The following FRYL variants were observed in gnomAD, a reference collection of about 807,000 sequenced individuals.
FRYL encodes the protein protein furry homolog-like.
Under a neutral mutation model 351.2 loss-of-function variants are expected in FRYL, and 150 were observed. The ratio of observed to expected loss-of-function variants is 0.43; its 90% CI spans 0.37 to 0.49. The LOEUF (loss-of-function observed/expected upper bound fraction) is 0.49. FRYL is among the 20% of genes least tolerant of loss of function. The pLI, the probability that FRYL is intolerant of heterozygous loss-of-function variation, is 0.00. For synonymous variants in FRYL, 1,153 were observed against 1,257.1 expected (o/e 0.92, Z 1.75); for missense variants, 3,036 against 3,619.3 (o/e 0.84, Z 4.13).
Position 48,497,750 on chromosome 4 carries a change from ATAATTGTCTT to A in FRYL, c.*1662_*1671del, listed in dbSNP as rs1420185025. 2.0e-5 allele frequency: 3 copies of A among 152,658 alleles called. No individual in the cohort carries two copies. The highest frequency in any genetic ancestry group is 4.4e-5 in the Non-Finnish European group (3 of 68,042). 9.5% of individuals were successfully genotyped at this position (152,658 alleles called of 1,614,324 possible). A position where few individuals can be genotyped will look rare whatever the true frequency, so the allele number is the denominator to read the frequency against. ...ATTACAGTACCAGAACACCATCAAA[ATAATTGTCTT>A]TATCAGGGTCAAAAAATACAGTGAT... On this transcript the variant is annotated 3_prime_UTR_variant, in exon 64 of 64. Coordinates refer to ENST00000358350, the MANE Select transcript of FRYL (RefSeq NM_015030.2).
At position 48,719,014 on chromosome 4, in the gene FRYL, C is replaced by T. The variant is rs1250571711; in HGVS notation, c.-383-8316G>A. On this transcript the variant is annotated intron_variant, in intron 1 of 63. Coordinates refer to ENST00000358350, the MANE Select transcript of FRYL (RefSeq NM_015030.2). ...CTTTCTAATGACTGCAAAAGAATTC[C>T]GAGTGGTCACTCTAACTGATCTTTG... Among the ~76,000 whole-genome samples, 4 of 151,508 alleles carry T rather than the reference C, an allele frequency of 2.6e-5. No homozygotes were observed. The East Asian group carries it at 7.7e-4, about 29-fold the overall frequency.
Position 48,540,607 on chromosome 4 carries a change from T to C in FRYL, c.6041A>G (p.Asp2014Gly), listed in dbSNP as rs1421834257. 7 of 1,613,988 alleles carry C rather than the reference T, an allele frequency of 4.3e-6. No individual in the cohort carries two copies. Among genetic ancestry groups the C allele is most frequent in the Non-Finnish European group, 5.9e-6 (7 of 1,179,944 alleles). Residue 2014 changes from aspartate to glycine, a missense_variant, in exon 46 of 64, where the codon GAT (aspartate) becomes GGT (glycine). Around this residue, in one of 7 missense-constraint regions of FRYL, gnomAD observed 1,987 missense variants for 2,311.7 expected, o/e 0.86. Coordinates refer to ENST00000358350, the MANE Select transcript of FRYL (RefSeq NM_015030.2). Reference sequence around the variant, plus strand: ...AGCCAGGAGGTATTCATATTCATAATCTGATTCTAATAAAGATGCTGCTAT... The same window carrying C: ...AGCCAGGAGGTATTCATATTCATAACCTGATTCTAATAAAGATGCTGCTAT... ...FWIAASLLES[D>G]YEYEYLLALR...
chr4:48,703,983 C>T (rs1044212455), intron 2 of FRYL, among the ~76,000 whole-genome samples: 3 of 152,096 alleles, frequency 2.0e-5, no homozygotes, highest in Non-Finnish European at 4.4e-5. Context: ...TGGATAAAGT[C>T]ACATTCTATC....
In FRYL at chr4:48,531,166, T is replaced by G. The variant is rs1222868252; in HGVS notation, c.6893A>C (p.Asp2298Ala). Residue 2298 changes from aspartate (D) to alanine (A), a missense_variant, in exon 50 of 64, where the codon GAT (aspartate) becomes GCT (alanine). Asp to Ala is a moderately radical substitution (Grantham distance 126, BLOSUM62 -2). Coordinates refer to ENST00000358350, the MANE Select transcript of FRYL (RefSeq NM_015030.2). ...TTCTGAGCATCTTACCTCAGATATA[T>G]CAAAATGAAAATCTAAGGTCTTCCC... Reference protein sequence around the residue: ...LPGKTLDFHFDISETPIIGNK... With the variant: ...LPGKTLDFHFAISETPIIGNK... The G allele has an allele frequency of 6.3e-7, 1 of 1,592,140 alleles. No individual in the cohort carries two copies. Among genetic ancestry groups the G allele is most frequent in the South Asian group, 1.1e-5 (1 of 90,156 alleles).
At chr4:48,548,647 A>C in intron 40 of FRYL, 43 bp downstream of exon 40, 2 of 1,079,184 alleles carry the variant, frequency 1.9e-6, no homozygotes, top group Non-Finnish European at 2.8e-6. Flanking sequence ...TTAAATTATC[A>C]TAAAAATATA....
At chr4:48,530,664 A>C (rs1727354528) in intron 50 of FRYL, among the ~76,000 whole-genome samples, 1 of 152,118 alleles carries the variant, frequency 6.6e-6, no homozygotes, top group African/African-American at 2.4e-5. Flanking sequence ...ACTAGTTGGA[A>C]GTGTCTGGAA....
At chr4:48,708,035 T>C (rs1767569203) in intron 2 of FRYL, among the ~76,000 whole-genome samples, 1 of 151,980 alleles carries the variant, frequency 6.6e-6, no homozygotes, top group Admixed American at 6.6e-5. Flanking sequence ...TTAGCCAGGA[T>C]GATCTCGATC....
At chr4:48,600,541 T>C (rs1294582729) in intron 13 of FRYL, among the ~76,000 whole-genome samples, 6 of 152,114 alleles carry the variant, frequency 3.9e-5, no homozygotes, top group African/African-American at 1.2e-4. Flanking sequence ...AGCATTTAAA[T>C]GAAAGCCTTA....
intron 1 of FRYL, among the ~76,000 whole-genome samples, chr4:48,756,605 C>T (rs189007609): frequency 1.5e-3 from 234 of 152,230 alleles, no homozygotes; most frequent in Non-Finnish European, 2.2e-3. Flanking sequence ...TTAGAAGACA[C>T]GCACTCAAAT....
At chr4:48,564,140 T>C (rs756445279) in intron 30 of FRYL, 38 bp from the exon 31 acceptor site, 1 of 1,607,808 alleles carries the variant, frequency 6.2e-7, no homozygotes, top group Non-Finnish European at 8.5e-7. Flanking sequence ...GAGAGAACGT[T>C]ATATATTTTT....
At chr4:48,655,577 C>T (rs998659671) in intron 3 of FRYL, among the ~76,000 whole-genome samples, 12 of 150,210 alleles carry the variant, frequency 8.0e-5, no homozygotes, top group African/African-American at 2.9e-4. Flanking sequence ...TAATACAATC[C>T]TCTTTTCATC....
chr4:48,608,943 C>T, intron 9 of FRYL, 44 bp downstream of exon 9: 1 of 1,237,882 alleles, frequency 8.1e-7, no homozygotes, highest in South Asian at 1.2e-5. Flanking sequence ...ATGAAGCATT[C>T]TAAAATGCAA....
At chr4:48,571,056 A>G in intron 26 of FRYL, 138 bp from the exon 27 acceptor site, 1 of 582,310 alleles carries the variant, frequency 1.7e-6, no homozygotes, top group South Asian at 2.4e-5. Context: ...GTACTCTGGT[A>G]GCTACTGCCT....
chr4:48,541,946 T>C lies in FRYL; in HGVS notation c.5687+81A>G. 6 of 953,020 alleles carry C rather than the reference T, an allele frequency of 6.3e-6. 1 individual carries two copies. In the South Asian group the frequency reaches 6.8e-5, roughly 11 times the overall value. The allele number at this position is 953,020 out of a possible 1,614,324, so 59.0% of individuals were successfully genotyped here. A position where few individuals can be genotyped will look rare whatever the true frequency, so the allele number is the denominator to read the frequency against. On this transcript the variant is annotated intron_variant, in intron 45 of 63. Transcript: ENST00000358350. ...GGCAGTATTGTGCTTACTAACAATA[T>C]TAGAATTTTAAAAGTTATAGCTATA... is the stretch of plus-strand genomic sequence containing the variant.
intron 6 of FRYL, among the ~76,000 whole-genome samples, chr4:48,620,190 G>C (rs888956470): frequency 1.3e-5 from 2 of 152,170 alleles, no homozygotes; most frequent in African/African-American, 4.8e-5. Context: ...TGAAGGAGAA[G>C]AAAACAAGTT....
At chr4:48,555,996 G>A (rs528375450) in intron 35 of FRYL, among the ~76,000 whole-genome samples, 1 of 152,314 alleles carries the variant, frequency 6.6e-6, no homozygotes, top group Admixed American at 6.5e-5. Flanking sequence ...CTGGGCTCAA[G>A]CAATTCTCCT....
intron 23 of FRYL, among the ~76,000 whole-genome samples, chr4:48,578,478 C>G (rs1012402449): frequency 2.0e-5 from 3 of 152,204 alleles, no homozygotes; most frequent in African/African-American, 7.2e-5. Flanking sequence ...TTGGTCAACT[C>G]TCCATTTCAT....
intron 4 of FRYL, among the ~76,000 whole-genome samples, chr4:48,628,877 T>G (rs1198846424): frequency 6.6e-6 from 1 of 151,876 alleles, no homozygotes; most frequent in Non-Finnish European, 1.5e-5. Flanking sequence ...AGGTGCTACA[T>G]AGATGGATAA....
At chr4:48,734,225 A>T (rs1470572645) in intron 1 of FRYL, among the ~76,000 whole-genome samples, 1 of 152,196 alleles carries the variant, frequency 6.6e-6, no homozygotes, top group South Asian at 2.1e-4. Flanking sequence ...AAGAGATGTC[A>T]TGCTAACACT....
Sources: allele counts gnomAD v4.1 joint callset (sites outside exome capture counted in the v4.1 genomes callset), GRCh38; gene constraint gnomAD v4.1.1; regional missense constraint gnomAD v4.1.1; transcripts MANE v1.5; gene names NCBI Gene and HGNC (gene_info 2026-07-23, HGNC 2026-07-21).